P2RX6: variants seen among roughly 807,000 people sequenced by gnomAD.
P2RX6 encodes purinergic receptor P2X 6, also known as P2X purinoceptor 6.
A neutral mutation model predicts 54.2 loss-of-function variants in P2RX6; 62 were observed. The observed-to-expected ratio is 1.14, with a 90% confidence interval of 0.93 to 1.41. P2RX6 has a LOEUF of 1.41. P2RX6 is among the 40% of genes most tolerant of loss of function. The pLI is 0.00. For synonymous variants in P2RX6, 211 were observed against 231.9 expected (o/e 0.91, Z 0.82); for missense variants, 541 against 566.3 (o/e 0.96, Z 0.45).
rs1287371411 is a variant in P2RX6, at chr22:21,026,081, G to A, written c.1050+5G>A. On this transcript the variant is annotated splice_donor_5th_base_variant and intron_variant, in intron 10 of 11. Coordinates refer to ENST00000413302, the MANE Select transcript of P2RX6 (RefSeq NM_005446.5). The surrounding 1 kb of genome is among the most constrained non-coding windows in gnomAD (Gnocchi z 4.0). Reference sequence around the variant, plus strand: ...GGGGCAGCTTGGCTGGGCGTGGTGAGTGCGAGCACTGTGGGCACCTGCAGG... The same window carrying A: ...GGGGCAGCTTGGCTGGGCGTGGTGAATGCGAGCACTGTGGGCACCTGCAGG... 1.2e-6 allele frequency: 2 copies of A among 1,608,568 alleles called. No individual in the cohort carries two copies.
intron 3 of P2RX6, among the ~76,000 whole-genome samples, chr22:21,020,499 G>A (rs569482943): frequency 3.9e-5 from 6 of 151,920 alleles, no homozygotes. Flanking sequence ...CACCCACATG[G>A]ACAGCCCAGC....
At chr22:21,022,306 C>T (rs902235159) in intron 3 of P2RX6, among the ~76,000 whole-genome samples, 3 of 152,146 alleles carry the variant, frequency 2.0e-5, no homozygotes, top group Admixed American at 6.5e-5. Flanking sequence ...CCCGGGAGGG[C>T]GAGGCTGTAG....
rs768387153 is a variant in P2RX6, at chr22:21,017,978, T to G, written c.316-11T>G. On this transcript the variant is annotated splice_polypyrimidine_tract_variant and intron_variant, in intron 2 of 11. Transcript: ENST00000413302. The stretch of plus-strand genomic sequence containing the variant: ...AGCCCAGCCAGGCCAACCTTGAGAC[T>G]TGCCTCCTAGGGAGAGAACGTGTTC... 1.9e-6 allele frequency: 3 copies of G among 1,605,078 alleles called. No homozygotes were observed. The highest frequency in any genetic ancestry group is 2.6e-6 in the Non-Finnish European group (3 of 1,172,694).
chr22:21,023,941 C>G (rs1278199500), intron 8 of P2RX6, among the ~76,000 whole-genome samples: 5 of 145,280 alleles, frequency 3.4e-5, no homozygotes, highest in African/African-American at 7.8e-5. Flanking sequence ...TTACTTTCCC[C>G]TTCTCCCCTT....
intron 2 of P2RX6, among the ~76,000 whole-genome samples, chr22:21,017,485 T>A (rs1314054382): frequency 1.3e-5 from 2 of 152,188 alleles, no homozygotes; most frequent in Admixed American, 6.5e-5. Flanking sequence ...TCACCTCGTC[T>A]CCATCCTGAG....
intron 3 of P2RX6, among the ~76,000 whole-genome samples, chr22:21,019,850 C>T (rs1186866133): frequency 6.6e-6 from 1 of 152,268 alleles, no homozygotes; most frequent in Admixed American, 6.5e-5. Flanking sequence ...TGGTTAGCTG[C>T]AGCAGGAGCA....
chr22:21,017,447 C>T (rs1926585082), intron 2 of P2RX6, among the ~76,000 whole-genome samples: 1 of 152,240 alleles, frequency 6.6e-6, no homozygotes, highest in African/African-American at 2.4e-5. Flanking sequence ...CCTGCCATGC[C>T]AGTGCTGCTG....
upstream of P2RX6, chr22:21,010,386 T>C (rs1199063905): frequency 2.0e-5 from 3 of 152,152 alleles, no homozygotes; most frequent in African/African-American, 7.2e-5. Flanking sequence ...TGACTCCCAG[T>C]AGTAATTTTT....
intron 1 of P2RX6, 100 bp from the exon 2 acceptor site, chr22:21,015,842 C>A (rs1601745099): frequency 2.4e-6 from 3 of 1,262,512 alleles, no homozygotes; most frequent in Admixed American, 5.0e-5. Context: ...GGGCCGGGAG[C>A]CTGTAGGGTG....
At chr22:21,016,254 C>G (rs549486004) in intron 2 of P2RX6, among the ~76,000 whole-genome samples, 162 bp downstream of exon 2, 13 of 152,234 alleles carry the variant, frequency 8.5e-5, no homozygotes, top group African/African-American at 2.9e-4. Context: ...CTGGACAGGA[C>G]TTTCAGGGAT....
chr22:21,018,987 T>G (rs1428361656), intron 3 of P2RX6, among the ~76,000 whole-genome samples: 1 of 152,128 alleles, frequency 6.6e-6, no homozygotes, highest in Admixed American at 6.5e-5. Context: ...TCTTCTTCAT[T>G]TCTGATCCAG....
rs766643173 is a variant in P2RX6, at chr22:21,023,388, G to C, written c.752G>C (p.Gly251Ala). 9.3e-6 allele frequency: 15 copies of C among 1,614,048 alleles called. No homozygotes were observed. The highest frequency in any genetic ancestry group is 1.3e-5 in the Non-Finnish European group (15 of 1,179,908). Residue 251 changes from glycine (G) to alanine (A), a missense_variant, in exon 7 of 12, where the codon GGA (glycine) becomes GCA (alanine). Physicochemically the swap from Gly to Ala is moderately conservative, Grantham distance 60. Transcript: ENST00000413302. ...ATTGGGGACCTCGTGGCCAAGGCTG[G>C]AGGGACCTTCGAGGACCTGGCGTTG... is the stretch of plus-strand genomic sequence containing the variant. ...FRIGDLVAKA[G>A]GTFEDLALLG... is the part of the protein sequence containing the mutation.
In P2RX6 at chr22:21,017,325, T is replaced by C. The variant is rs748295631; in HGVS notation, c.316-664T>C. ...CTCACCTTCCCTTCCTGGGCATACA[T>C]TCCCCAAATTCACAGTGCTCTCACG... On this transcript the variant is annotated intron_variant, in intron 2 of 11. Coordinates refer to ENST00000413302, the MANE Select transcript of P2RX6 (RefSeq NM_005446.5). Among the ~76,000 whole-genome samples the C allele has an allele frequency of 7.8e-4, 119 of 152,196 alleles. 1 individual carries two copies. The highest frequency in any genetic ancestry group is 2.6e-4 in the Non-Finnish European group (18 of 68,028).
upstream of P2RX6, chr22:21,012,480 A>T: frequency 4.0e-6 from 2 of 500,528 alleles, no homozygotes. Flanking sequence ...ATCCCTGAGG[A>T]AAGGGAGGAC....
In P2RX6 at chr22:21,025,995, C is replaced by A; in HGVS notation, c.985-16C>A. 1 of 1,606,670 alleles carries A rather than the reference C, an allele frequency of 6.2e-7. No homozygotes were observed. Among genetic ancestry groups the A allele is most frequent in the Non-Finnish European group, 8.5e-7 (1 of 1,176,662 alleles). ...GACAGTCGTGGGCTGAGAGGTTCAG[C>A]TCAGATCTCTCTCAGGCAGGGAAGT... On this transcript the variant is annotated splice_polypyrimidine_tract_variant and intron_variant, in intron 9 of 11. Coordinates refer to ENST00000413302, the MANE Select transcript of P2RX6 (RefSeq NM_005446.5).
intron 3 of P2RX6, among the ~76,000 whole-genome samples, chr22:21,020,757 A>G (rs1456512451): frequency 1.3e-5 from 2 of 151,710 alleles, no homozygotes; most frequent in African/African-American, 4.8e-5. Context: ...ACACTCGGCT[A>G]ATTTTTGTAT....
Position 21,022,680 on chromosome 22 carries a change from C to T in P2RX6, c.392C>T (p.Pro131Leu), listed in dbSNP as rs200740801. Reference sequence around the variant, plus strand: ...CTGCTCTCTCTCCCACCTCAGCACCCGTCCGTCCCACTGGCTAACTGCTGG... The same window carrying T: ...CTGCTCTCTCTCCCACCTCAGCACCTGTCCGTCCCACTGGCTAACTGCTGG... ...AQVQGRCPEHPSVPLANCWVD... is the reference protein window; with the variant it reads ...AQVQGRCPEHLSVPLANCWVD... The change falls in exon 4 of 12, where the codon CCG becomes CTG. Residue 131 changes from proline (P) to leucine (L), a missense_variant. By Grantham distance (98) the Pro-to-Leu change is moderately conservative (BLOSUM62 -3). This residue lies in a region of P2RX6 where 526 missense variants were observed against 531.5 expected (regional missense o/e 0.99). Coordinates refer to ENST00000413302, the MANE Select transcript of P2RX6 (RefSeq NM_005446.5). 1.5e-5 allele frequency: 24 copies of T among 1,555,366 alleles called. No individual in the cohort carries two copies. The highest frequency in any genetic ancestry group is 1.1e-4 in the East Asian group (5 of 44,058).
chr22:21,016,284 G>A (rs191348216), intron 2 of P2RX6, among the ~76,000 whole-genome samples, 192 bp downstream of exon 2: 5 of 152,284 alleles, frequency 3.3e-5, no homozygotes, highest in African/African-American at 1.2e-4. Flanking sequence ...GTTTTGGGGT[G>A]GAAAAAGGGG....
chr22:21,012,640 G>T, upstream of P2RX6: 1 of 566,606 alleles, frequency 1.8e-6, no homozygotes, highest in Non-Finnish European at 3.3e-6. Context: ...GCTCAATGAG[G>T]AAGCCAGAGA....
Sources: allele counts gnomAD v4.1 joint callset (sites outside exome capture counted in the v4.1 genomes callset), GRCh38; gene constraint gnomAD v4.1.1; regional missense constraint gnomAD v4.1.1; non-coding constraint Gnocchi (gnomAD v3.1); transcripts MANE v1.5; gene names NCBI Gene and HGNC (gene_info 2026-07-23, HGNC 2026-07-21).